NAV3: variants seen among roughly 807,000 people sequenced by gnomAD.
NAV3 encodes the protein neuron navigator 3.
NAV3 carries 87 observed loss-of-function variants against 244.7 expected under a neutral mutation model. That is an observed-to-expected ratio of 0.36 (90% CI 0.30 to 0.42). NAV3 has a LOEUF of 0.42. Ranked by LOEUF, NAV3 falls within the 20% of genes least tolerant of loss-of-function variation. The pLI, the probability that NAV3 is intolerant of heterozygous loss-of-function variation, is 1.00. For missense variants in NAV3, 2,663 were observed against 2,893.3 expected (o/e 0.92, Z 1.83); for synonymous variants, 1,126 against 1,042.2 (o/e 1.08, Z -1.55).
intron 30 of NAV3, among the ~76,000 whole-genome samples, chr12:78,182,052 G>T (rs547191332): frequency 6.6e-6 from 1 of 152,118 alleles, no homozygotes; most frequent in South Asian, 2.1e-4. Flanking sequence ...TAAACTTCTG[G>T]TGGGGATTAG....
chr12:77,893,071 G>A (rs79314250), intron 1 of NAV3, among the ~76,000 whole-genome samples: 2,027 of 152,196 alleles, frequency 0.013, 51 homozygotes, highest in African/African-American at 0.046. Flanking sequence ...TGGATGGACT[G>A]AATTAGTTAT....
chr12:78,142,336 C>G (rs1238805492), intron 20 of NAV3, among the ~76,000 whole-genome samples: 1 of 151,954 alleles, frequency 6.6e-6, no homozygotes, highest in Non-Finnish European at 1.5e-5. Flanking sequence ...TACCAGTGTC[C>G]AGTAGACCTT....
Position 77,923,693 on chromosome 12 carries a change from T to C in NAV3, c.244-16626T>C, listed in dbSNP as rs1887925997. 2.0e-5 allele frequency among the ~76,000 whole-genome samples: 3 copies of C among 152,076 alleles called. No individual in the cohort carries two copies. In the South Asian group the frequency reaches 6.2e-4, roughly 32 times the overall value. ...ATAATAAAAAAAAGGTTATATGAAG[T>C]TCCAAGGACCCCAGCAGTGGAAACT... On this transcript the variant is annotated intron_variant, in intron 1 of 39. Transcript: ENST00000397909.
At chr12:77,688,154 T>C (rs1445665635) in intron 2 of NAV3, among the ~76,000 whole-genome samples, 1 of 152,008 alleles carries the variant, frequency 6.6e-6, no homozygotes, top group African/African-American at 2.4e-5. Flanking sequence ...TTTCAGTTCA[T>C]TACCCATTAA....
intron 2 of NAV3, among the ~76,000 whole-genome samples, chr12:77,660,640 C>T (rs973971127): frequency 6.6e-6 from 1 of 151,970 alleles, no homozygotes; most frequent in African/African-American, 2.4e-5. Context: ...TATATACGTG[C>T]ATATATACAG....
chr12:77,876,618 T>C (rs751109170), intron 1 of NAV3, among the ~76,000 whole-genome samples: 2 of 152,108 alleles, frequency 1.3e-5, no homozygotes, highest in Non-Finnish European at 2.9e-5. Context: ...TAGTGGAATC[T>C]ATAGACAGTA....
chr12:78,087,312 A>C, intron 12 of NAV3, among the ~76,000 whole-genome samples: 1 of 152,042 alleles, frequency 6.6e-6, no homozygotes, highest in Admixed American at 6.6e-5. Flanking sequence ...TAGAAAACAA[A>C]CTTCTAGCTG....
intron 1 of NAV3, among the ~76,000 whole-genome samples, chr12:77,833,997 G>T (rs1309682823): frequency 2.0e-5 from 3 of 151,904 alleles, no homozygotes; most frequent in Non-Finnish European, 4.4e-5. Context: ...TCCTTTCGAC[G>T]TCCAGCCGCT....
chr12:77,759,218 A>C (rs1262754681), intron 2 of NAV3, among the ~76,000 whole-genome samples: 1 of 152,210 alleles, frequency 6.6e-6, no homozygotes, highest in Non-Finnish European at 1.5e-5. Context: ...TTATTATTAC[A>C]AAGATTTTTC....
At position 78,021,941 on chromosome 12, in the gene NAV3, A is replaced by G. The variant is rs555858147; in HGVS notation, c.2023+79A>G. 2.4e-5 allele frequency: 20 copies of G among 828,054 alleles called. 1 individual carries two copies. The South Asian group carries it at 2.5e-4, about 10-fold the overall frequency. 51.3% of individuals were successfully genotyped at this position (828,054 alleles called of 1,614,324 possible). A position where few individuals can be genotyped will look rare whatever the true frequency, so the allele number is the denominator to read the frequency against. On this transcript the variant is annotated intron_variant, in intron 9 of 39. Transcript: ENST00000397909. ...CATAAGACTTTTTATTAAATCATAT[A>G]TGTGGTATACTGTTTTTAGTGCAAA... is the stretch of plus-strand genomic sequence containing the variant.
chr12:78,077,464 A>G (rs1953108283), intron 12 of NAV3, among the ~76,000 whole-genome samples: 1 of 152,228 alleles, frequency 6.6e-6, no homozygotes, highest in Non-Finnish European at 1.5e-5. Flanking sequence ...GAAATGTAAA[A>G]GACATTCTTA....
intron 2 of NAV3, among the ~76,000 whole-genome samples, chr12:77,581,575 G>A (rs1390053994): frequency 7.2e-5 from 11 of 152,144 alleles, no homozygotes; most frequent in Non-Finnish European, 1.5e-4. Flanking sequence ...TGCTAAGAAT[G>A]TTCTCCAGTA....
chr12:77,612,208 T>C (rs1323923114), intron 2 of NAV3, among the ~76,000 whole-genome samples: 1 of 152,144 alleles, frequency 6.6e-6, no homozygotes, highest in Non-Finnish European at 1.5e-5. Flanking sequence ...CACTGTACTA[T>C]GTGACTTGCA....
chr12:77,587,454 C>T (rs1477313617), intron 2 of NAV3, among the ~76,000 whole-genome samples: 2 of 152,026 alleles, frequency 1.3e-5, no homozygotes, highest in Admixed American at 1.3e-4. Context: ...TGTTTTCTTG[C>T]CAAATGATAA....
intron 2 of NAV3, among the ~76,000 whole-genome samples, chr12:77,807,539 A>G (rs1041783271): frequency 6.6e-6 from 1 of 152,244 alleles, no homozygotes; most frequent in African/African-American, 2.4e-5. Flanking sequence ...TTCTGCCGAG[A>G]GATCAGCTGT....
chr12:78,166,522 G>C (rs1465781734), intron 23 of NAV3, among the ~76,000 whole-genome samples: 2 of 151,602 alleles, frequency 1.3e-5, no homozygotes, highest in Non-Finnish European at 3.0e-5. Flanking sequence ...TTTTTTCATA[G>C]ATAGGATTCT....
At chr12:77,710,710 G>A (rs1435441213) in intron 2 of NAV3, among the ~76,000 whole-genome samples, 5 of 152,060 alleles carry the variant, frequency 3.3e-5, no homozygotes, top group Non-Finnish European at 5.9e-5. Context: ...ATGGACTTGA[G>A]TACTTTGTTT....
At chr12:77,654,036 C>T (rs556252518) in intron 2 of NAV3, among the ~76,000 whole-genome samples, 9 of 152,182 alleles carry the variant, frequency 5.9e-5, no homozygotes, top group East Asian at 5.8e-4. Context: ...ACGCAGAAGA[C>T]GGGTGATTTC....
intron 2 of NAV3, among the ~76,000 whole-genome samples, chr12:77,617,824 G>A (rs1057275378): frequency 6.6e-6 from 1 of 152,200 alleles, no homozygotes; most frequent in Admixed American, 6.5e-5. Flanking sequence ...TACCTCAGTA[G>A]TTTCACCAGT....
Sources: gnomAD v4.1 joint callset for allele counts (sites outside exome capture counted in the v4.1 genomes callset) on GRCh38, gnomAD v4.1.1 for gene constraint, MANE v1.5 for transcripts, NCBI Gene and HGNC (gene_info 2026-07-23, HGNC 2026-07-21) for gene names.